Variants in NALCN observed in about 807,000 individuals in gnomAD.
NALCN encodes sodium leak channel NALCN.
NALCN carries 111 observed loss-of-function variants against 225.3 expected under a neutral mutation model. The observed-to-expected ratio is 0.49, with a 90% CI of 0.42 to 0.58. The LOEUF (loss-of-function observed/expected upper bound fraction) is 0.58. Ranked by LOEUF, NALCN falls within the 20% of genes least tolerant of loss-of-function variation. The pLI, the probability that NALCN is intolerant of heterozygous loss-of-function variation, is 0.00. For synonymous variants in NALCN, 764 were observed against 769.0 expected, an observed-to-expected ratio of 0.99 and a Z score of 0.11; for missense variants, 1,378 against 2,202.4, an observed-to-expected ratio of 0.63 and a Z score of 7.49.
At chr13:101,226,653 A>G in intron 13 of NALCN, among the ~76,000 whole-genome samples, 1 of 107,732 alleles carries the variant, frequency 9.3e-6, no homozygotes, top group East Asian at 2.3e-4. Flanking sequence ...CCTATGTGTG[A>G]TCTGATGGCA....
chr13:101,235,122 G>A (rs137855538), intron 12 of NALCN, among the ~76,000 whole-genome samples: 46 of 151,234 alleles, frequency 3.0e-4, no homozygotes, highest in African/African-American at 9.5e-4. Context: ...GCTGTTTATC[G>A]TTTAAATAAA....
intron 17 of NALCN, 78 bp downstream of exon 17, chr13:101,143,002 C>T: frequency 1.3e-6 from 2 of 1,534,288 alleles, no homozygotes; most frequent in African/African-American, 1.4e-5. Context: ...GATTCCAGGA[C>T]CCTAAAGAAC....
chr13:101,061,847 G>C, intron 41 of NALCN, 121 bp downstream of exon 41: 1 of 892,610 alleles, frequency 1.1e-6, no homozygotes, highest in Non-Finnish European at 1.7e-6. Flanking sequence ...AGTTTAAAGG[G>C]ATAGAAGGCT....
chr13:101,399,003 C>CA lies in NALCN; in HGVS notation c.108+15dup, dbSNP rs1463333211. 4.1e-6 allele frequency: 6 copies of CA among 1,474,608 alleles called. No homozygotes were observed. The highest frequency in any genetic ancestry group is 5.7e-6 in the Non-Finnish European group (6 of 1,053,308). The allele number at this position is 1,474,608 out of a possible 1,614,324, so 91.3% of individuals were successfully genotyped here. A position where few individuals can be genotyped will look rare whatever the true frequency, so the allele number is the denominator to read the frequency against. On this transcript the variant is annotated intron_variant, in intron 2 of 43. Coordinates refer to ENST00000251127, the MANE Select transcript of NALCN (RefSeq NM_052867.4). ...ACATCCACATATGCTTCTCCATACT[C>CA]AAAGAAGAAACTTACTGGTTTGTTA...
rs537800420 is a variant in NALCN at position 101,065,282 on chromosome 13, G to T, written c.4604+122C>A. On this transcript the variant is annotated intron_variant, in intron 40 of 43. Coordinates refer to ENST00000251127, the MANE Select transcript of NALCN (RefSeq NM_052867.4). Reference sequence around the variant, plus strand: ...CCTGGGACATGTGACCCCACTTCACGACCACAGCAGATGTGGCATTTTGGG... The same window carrying T: ...CCTGGGACATGTGACCCCACTTCACTACCACAGCAGATGTGGCATTTTGGG... The T allele has an allele frequency of 6.6e-6, 7 of 1,054,670 alleles. No individual in the cohort carries two copies. The African/African-American group carries it at 7.9e-5, about 12-fold the overall frequency. The allele number at this position is 1,054,670 out of a possible 1,614,324, so 65.3% of individuals were successfully genotyped here.
chr13:101,331,219 G>A (rs893913460), intron 7 of NALCN, among the ~76,000 whole-genome samples: 29 of 152,118 alleles, frequency 1.9e-4, no homozygotes, highest in African/African-American at 7.0e-4. Flanking sequence ...TATTGTAAAG[G>A]AGAGTTAGAA....
At chr13:101,207,401 T>G (rs1460770315) in intron 13 of NALCN, among the ~76,000 whole-genome samples, 1 of 152,258 alleles carries the variant, frequency 6.6e-6, no homozygotes, top group Non-Finnish European at 1.5e-5. Flanking sequence ...GTTTAAAAAT[T>G]CAAATTCATT....
At chr13:101,057,742 G>T (rs1365796350) in intron 43 of NALCN, 197 bp downstream of exon 43, 2 of 595,668 alleles carry the variant, frequency 3.4e-6, no homozygotes, top group African/African-American at 1.9e-5. Context: ...GGAAAATGGG[G>T]GCTAATGTAA....
intron 7 of NALCN, among the ~76,000 whole-genome samples, chr13:101,341,936 G>A (rs114698607): frequency 8.3e-4 from 126 of 152,274 alleles, no homozygotes; most frequent in Non-Finnish European, 1.6e-3. Flanking sequence ...CTTCTACTAC[G>A]TGAGGACACA....
chr13:101,334,413 T>C (rs1172060860), intron 7 of NALCN, among the ~76,000 whole-genome samples: 1 of 151,470 alleles, frequency 6.6e-6, no homozygotes, highest in Non-Finnish European at 1.5e-5. Context: ...GATGAACACA[T>C]ACATTCAAGA....
At chr13:101,249,059 TA>T (rs1275427781) in intron 11 of NALCN, among the ~76,000 whole-genome samples, 1 of 152,082 alleles carries the variant, frequency 6.6e-6, no homozygotes, top group Non-Finnish European at 1.5e-5. Flanking sequence ...AAGTTTGGTC[TA>T]AAATCCAGGT....
intron 39 of NALCN, 150 bp downstream of exon 39, chr13:101,067,768 T>C (rs1165777654): frequency 1.6e-6 from 1 of 644,488 alleles, no homozygotes; most frequent in Non-Finnish European, 2.7e-6. Flanking sequence ...TCCTAGAGGA[T>C]TCTGCTGAAC....
At chr13:101,199,591 T>C (rs1187054995) in intron 13 of NALCN, among the ~76,000 whole-genome samples, 21 of 132,430 alleles carry the variant, frequency 1.6e-4, no homozygotes, top group African/African-American at 5.8e-4. Context: ...TAGGTGGGAA[T>C]TGAACAATGA....
At chr13:101,265,973 G>T (rs914991659) in intron 10 of NALCN, among the ~76,000 whole-genome samples, 1 of 152,192 alleles carries the variant, frequency 6.6e-6, no homozygotes, top group Admixed American at 6.5e-5. Context: ...TTCACAGAAA[G>T]ATTTAAGATT....
chr13:101,390,726 G>T (rs2047120153), intron 3 of NALCN, among the ~76,000 whole-genome samples: 1 of 152,072 alleles, frequency 6.6e-6, no homozygotes, highest in South Asian at 2.1e-4. Context: ...TATCCTTGTG[G>T]TTAACATTTT....
At chr13:101,331,916 G>T (rs1208185650) in intron 7 of NALCN, among the ~76,000 whole-genome samples, 4 of 152,106 alleles carry the variant, frequency 2.6e-5, no homozygotes. Context: ...CCTGTGTCTG[G>T]GGAGGCACTG....
At chr13:101,073,532 A>T (rs2033042273) in intron 37 of NALCN, 52 bp downstream of exon 37, 1 of 1,434,920 alleles carries the variant, frequency 7.0e-7, no homozygotes, top group African/African-American at 1.4e-5. Context: ...GTGTTGCAAG[A>T]GTTTCATGCT....
chr13:101,107,372 C>T (rs932205738), intron 22 of NALCN, 115 bp downstream of exon 22: 47 of 1,528,242 alleles, frequency 3.1e-5, no homozygotes, highest in African/African-American at 9.5e-5. Flanking sequence ...TTAATTAGTC[C>T]GCAGTTTATT....
chr13:101,286,103 C>T (rs2056491819), intron 9 of NALCN, among the ~76,000 whole-genome samples: 1 of 152,068 alleles, frequency 6.6e-6, no homozygotes, highest in Admixed American at 6.6e-5. Context: ...TCTTTAATCC[C>T]CTGAATTATA....
Sources: gnomAD v4.1 joint callset for allele counts (sites outside exome capture counted in the v4.1 genomes callset) on GRCh38, gnomAD v4.1.1 for gene constraint, MANE v1.5 for transcripts, NCBI Gene and HGNC (gene_info 2026-07-23, HGNC 2026-07-21) for gene names.